CERT1: variants seen among roughly 807,000 people sequenced by gnomAD.
CERT1 encodes ceramide transporter 1, also known as ceramide transfer protein.
In CERT1, 31 loss-of-function variants were observed where a neutral mutation model predicts 87.9. The observed-to-expected ratio is 0.35, with a 90% CI of 0.27 to 0.48. The LOEUF is 0.48. Among genes scored for constraint, CERT1 ranks in the 20% least tolerant of loss-of-function variants. CERT1 has a pLI of 0.99. For missense variants in CERT1, 487 were observed against 758.0 expected (o/e 0.64, Z 4.20); for synonymous variants, 289 against 250.9 (o/e 1.15, Z -1.44).
chr5:75,401,486 T>TCA (rs2112087134), intron 9 of CERT1: 1 of 152,288 alleles, frequency 6.6e-6, no homozygotes, highest in East Asian at 1.9e-4. Flanking sequence ...GTGTCTTGAC[T>TCA]CATTCACTAC....
intron 3 of CERT1, among the ~76,000 whole-genome samples, chr5:75,429,198 AT>A (rs1361214410): frequency 8.1e-5 from 11 of 135,900 alleles, no homozygotes; most frequent in African/African-American, 2.1e-4. Context: ...AATAATAATA[AT>A]TATTATTATT....
chr5:75,504,407 T>C (rs1353691740), intron 2 of CERT1, among the ~76,000 whole-genome samples: 1 of 152,158 alleles, frequency 6.6e-6, no homozygotes, highest in Non-Finnish European at 1.5e-5. Context: ...AAATATTTCT[T>C]CTGTGTTTCT....
chr5:75,458,255 T>G (rs950883734), intron 3 of CERT1, among the ~76,000 whole-genome samples: 1 of 152,146 alleles, frequency 6.6e-6, no homozygotes, highest in Non-Finnish European at 1.5e-5. Flanking sequence ...ATTATATGAA[T>G]GTACCTTATA....
At chr5:75,479,677 T>C (rs1766137214) in intron 2 of CERT1, among the ~76,000 whole-genome samples, 1 of 152,246 alleles carries the variant, frequency 6.6e-6, no homozygotes, top group Admixed American at 6.5e-5. Context: ...ATTTTCTTTA[T>C]CTAATCTGTC....
chr5:75,405,739 GTACTA>G (rs1299691901), intron 8 of CERT1, among the ~76,000 whole-genome samples: 1 of 152,020 alleles, frequency 6.6e-6, no homozygotes, highest in East Asian at 1.9e-4. Context: ...CTATAATACA[GTACTA>G]TAATTGTTCT....
chr5:75,431,751 C>T (rs369475440), intron 3 of CERT1, among the ~76,000 whole-genome samples: 1 of 152,164 alleles, frequency 6.6e-6, no homozygotes. Flanking sequence ...TGATCTCACT[C>T]CTTTTTATGG....
intron 3 of CERT1, among the ~76,000 whole-genome samples, chr5:75,456,537 G>A (rs1402431549): frequency 6.6e-6 from 1 of 151,600 alleles, no homozygotes; most frequent in Non-Finnish European, 1.5e-5. Context: ...AGCCAGGCAC[G>A]GTGGTGCATG....
intron 2 of CERT1, among the ~76,000 whole-genome samples, chr5:75,486,203 G>A (rs187176953): frequency 2.0e-5 from 3 of 152,088 alleles, no homozygotes; most frequent in African/African-American, 7.2e-5. Context: ...TTCAACATAC[G>A]CAAATCTACG....
chr5:75,370,442 T>C (rs978046645), intron 17 of CERT1: 1 of 152,220 alleles, frequency 6.6e-6, no homozygotes, highest in African/African-American at 2.4e-5. Context: ...AATAAGTGTG[T>C]ATCATTCACC....
At chr5:75,510,714 T>G (rs928464991) in intron 1 of CERT1, among the ~76,000 whole-genome samples, 2 of 152,032 alleles carry the variant, frequency 1.3e-5, no homozygotes, top group Non-Finnish European at 2.9e-5. Flanking sequence ...CCCAACCTAC[T>G]CGGCTTGGCA....
chr5:75,501,793 A>G (rs1045835309), intron 2 of CERT1, among the ~76,000 whole-genome samples: 5 of 152,154 alleles, frequency 3.3e-5, no homozygotes, highest in Middle Eastern at 3.4e-3. Flanking sequence ...AGTCATGTGG[A>G]AAAAAAACTA....
chr5:75,456,892 G>T (rs995753059), intron 3 of CERT1, among the ~76,000 whole-genome samples: 4 of 151,954 alleles, frequency 2.6e-5, no homozygotes, highest in African/African-American at 7.3e-5. Flanking sequence ...TTCACTAAAG[G>T]AAGAAAACAC....
At chr5:75,456,388 G>A (rs1054149992) in intron 3 of CERT1, among the ~76,000 whole-genome samples, 1 of 152,114 alleles carries the variant, frequency 6.6e-6, no homozygotes, top group Admixed American at 6.6e-5. Flanking sequence ...AGAAAGGGTG[G>A]CTGGCTGCAG....
intron 3 of CERT1, among the ~76,000 whole-genome samples, chr5:75,450,516 T>C (rs564159411): frequency 6.6e-6 from 1 of 152,154 alleles, no homozygotes; most frequent in Non-Finnish European, 1.5e-5. Context: ...TTACTTCCTA[T>C]AGAGAATAGA....
intron 5 of CERT1, among the ~76,000 whole-genome samples, chr5:75,425,023 T>C (rs1763549148): frequency 1.3e-5 from 2 of 151,886 alleles, no homozygotes; most frequent in South Asian, 2.1e-4. Flanking sequence ...GTGGCTGAGA[T>C]GGGAGAATTG....
At chr5:75,490,841 T>G (rs918258962) in intron 2 of CERT1, among the ~76,000 whole-genome samples, 1 of 152,180 alleles carries the variant, frequency 6.6e-6, no homozygotes, top group African/African-American at 2.4e-5. Context: ...GTAACTTTTT[T>G]TCTTCATTTA....
intron 1 of CERT1, among the ~76,000 whole-genome samples, chr5:75,506,574 A>G (rs1767659178): frequency 6.6e-6 from 1 of 152,222 alleles, no homozygotes; most frequent in Non-Finnish European, 1.5e-5. Context: ...AATCAACGGA[A>G]GTATAAAGTC....
At chr5:75,374,682 CTG>C, downstream of CERT1, 1 of 618,188 alleles carries the variant, frequency 1.6e-6, no homozygotes, top group Non-Finnish European at 3.1e-6. Flanking sequence ...AGCTATATTA[CTG>C]TGTGAGTTGT....
chr5:75,400,209 TG>T lies in CERT1; in HGVS notation c.1105del (p.Gln369LysfsTer15). ...TAAACTCTGACATTAGCTTACCTTT[TG>T]GACAAATCTATGTGTCCCCACAGAA... ...FSSVGTHRFV[Q>X]KPYSRSSSMS... On this transcript the variant is annotated frameshift_variant, in exon 10 of 17. Transcript: ENST00000643780. LOFTEE classifies it high-confidence loss of function. 6.2e-7 allele frequency: 1 copy of T among 1,603,660 alleles called. No homozygotes were observed. Among genetic ancestry groups the T allele is most frequent in the Non-Finnish European group, 8.5e-7 (1 of 1,170,728 alleles).
Sources: allele counts gnomAD v4.1 joint callset (sites outside exome capture counted in the v4.1 genomes callset), GRCh38; gene constraint gnomAD v4.1.1; transcripts MANE v1.5; gene names NCBI Gene and HGNC (gene_info 2026-07-23, HGNC 2026-07-21).